TMEM8B: variants seen among roughly 807,000 people sequenced by gnomAD.
TMEM8B encodes transmembrane protein 8B.
Under a neutral mutation model 49.3 loss-of-function variants are expected in TMEM8B, and 29 were observed. The ratio of observed to expected loss-of-function variants is 0.59; its 90% CI spans 0.44 to 0.80. TMEM8B has a LOEUF of 0.80. Among genes scored for constraint, TMEM8B ranks in the 30% least tolerant of loss-of-function variants. The pLI, the probability that TMEM8B is intolerant of heterozygous loss-of-function variation, is 0.00. For missense variants in TMEM8B, 575 were observed against 658.5 expected, an observed-to-expected ratio of 0.87 and a Z score of 1.39; for synonymous variants, 264 against 272.8, an observed-to-expected ratio of 0.97 and a Z score of 0.32.
rs1832606930 is a variant in TMEM8B at position 35,859,181 on chromosome 9, A to G, written c.*5341A>G. 1 of 154,248 alleles carries G rather than the reference A, an allele frequency of 6.5e-6. No homozygotes were observed. The highest frequency in any genetic ancestry group is 2.4e-5 in the African/African-American group (1 of 41,506). 9.6% of individuals were successfully genotyped at this position (154,248 alleles called of 1,614,324 possible). On this transcript the variant is annotated 3_prime_UTR_variant, in exon 13 of 13. Coordinates refer to ENST00000643932, the MANE Select transcript of TMEM8B (RefSeq NM_001042590.4). ...CCCCGTAGAACAATGCGACAGTCTTATCCACGTTGGGATCCTTGGCCTTGG... is the reference window on the plus strand; with the variant it reads ...CCCCGTAGAACAATGCGACAGTCTTGTCCACGTTGGGATCCTTGGCCTTGG...
chr9:35,832,171 GTGT>G (rs1356329234), intron 1 of TMEM8B, among the ~76,000 whole-genome samples: 4 of 89,376 alleles, frequency 4.5e-5, no homozygotes, highest in African/African-American at 1.9e-4. Flanking sequence ...GTGTAGGGGT[GTGT>G]GTGTGTGTGT....
chr9:35,844,772 C>G (rs1831356677), intron 6 of TMEM8B, among the ~76,000 whole-genome samples: 1 of 152,228 alleles, frequency 6.6e-6, no homozygotes, highest in Non-Finnish European at 1.5e-5. Flanking sequence ...CCTGCAGCCC[C>G]TCACCCTTTC....
At chr9:35,835,974 CAG>C (rs1204207028) in intron 3 of TMEM8B, among the ~76,000 whole-genome samples, 2 of 152,164 alleles carry the variant, frequency 1.3e-5, no homozygotes, top group African/African-American at 4.8e-5. Flanking sequence ...GGAGGAGAAG[CAG>C]GGGGTGTGCT....
rs143160301 is a variant in TMEM8B, at chr9:35,846,197, G to A, written c.1730-61G>A. 608 of 1,608,684 alleles carry A rather than the reference G, an allele frequency of 3.8e-4. 1 individual carries two copies. The African/African-American group carries it at 7.1e-3, about 19-fold the overall frequency. Reference sequence around the variant, plus strand: ...GGTTCCGGGAAGTGGGAGCAGGTGGGTGAGGGTTCTTGGGTTCTGACCCCT... The same window carrying A: ...GGTTCCGGGAAGTGGGAGCAGGTGGATGAGGGTTCTTGGGTTCTGACCCCT... On this transcript the variant is annotated intron_variant, in intron 7 of 12. Transcript: ENST00000643932.
intron 3 of TMEM8B, among the ~76,000 whole-genome samples, chr9:35,836,917 G>A (rs1455053252): frequency 2.0e-5 from 3 of 152,182 alleles, no homozygotes; most frequent in Non-Finnish European, 4.4e-5. Flanking sequence ...AGGTTGATGG[G>A]GCAAGGATCT....
At chr9:35,844,423 T>C (rs1171884414) in intron 6 of TMEM8B, among the ~76,000 whole-genome samples, 1 of 152,246 alleles carries the variant, frequency 6.6e-6, no homozygotes, top group Admixed American at 6.5e-5. Flanking sequence ...TTAACTCTAC[T>C]ATCCTCCAGC....
chr9:35,839,438 T>A (rs1830750709), intron 3 of TMEM8B, among the ~76,000 whole-genome samples: 1 of 152,204 alleles, frequency 6.6e-6, no homozygotes, highest in Non-Finnish European at 1.5e-5. Flanking sequence ...GTCCCATCAC[T>A]GGGTGACGGT....
In TMEM8B at chr9:35,864,848, A is replaced by T. The variant is rs1170847955; in HGVS notation, c.*11008A>T. Reference sequence around the variant, plus strand: ...GGGAGCTGTGGTTTGGGAAGTGCCGAGTTCATTATGAGCAAGTGCACGGTG... The same window carrying T: ...GGGAGCTGTGGTTTGGGAAGTGCCGTGTTCATTATGAGCAAGTGCACGGTG... On this transcript the variant is annotated 3_prime_UTR_variant, in exon 13 of 13. Coordinates refer to ENST00000643932, the MANE Select transcript of TMEM8B (RefSeq NM_001042590.4). 6.6e-6 allele frequency: 1 copy of T among 152,282 alleles called. No individual in the cohort carries two copies. Among genetic ancestry groups the T allele is most frequent in the African/African-American group, 2.4e-5 (1 of 41,426 alleles). The allele number at this position is 152,282 out of a possible 1,614,324, so 9.4% of individuals were successfully genotyped here.
Position 35,856,034 on chromosome 9 carries a change from A to T in TMEM8B, c.*2194A>T, listed in dbSNP as rs1832531495. 6.6e-6 allele frequency: 1 copy of T among 152,232 alleles called. No homozygotes were observed. Among genetic ancestry groups the T allele is most frequent in the South Asian group, 2.1e-4 (1 of 4,830 alleles). 9.4% of individuals were successfully genotyped at this position (152,232 alleles called of 1,614,324 possible). A position where few individuals can be genotyped will look rare whatever the true frequency, so the allele number is the denominator to read the frequency against. Reference sequence around the variant, plus strand: ...CAGAAGGCTCTGAAGTGGGAGACGGAGCTGGGGTGCATCCCTCCCAGTGAG... The same window carrying T: ...CAGAAGGCTCTGAAGTGGGAGACGGTGCTGGGGTGCATCCCTCCCAGTGAG... On this transcript the variant is annotated 3_prime_UTR_variant, in exon 13 of 13. Coordinates refer to ENST00000643932, the MANE Select transcript of TMEM8B (RefSeq NM_001042590.4).
intron 3 of TMEM8B, among the ~76,000 whole-genome samples, chr9:35,840,747 G>A (rs1172653657): frequency 6.6e-6 from 1 of 152,178 alleles, no homozygotes; most frequent in African/African-American, 2.4e-5. Context: ...AAGAGCCAGT[G>A]TTCTAAGTTC....
intron 3 of TMEM8B, among the ~76,000 whole-genome samples, chr9:35,839,363 G>C (rs940062037): frequency 2.0e-5 from 3 of 152,216 alleles, no homozygotes; most frequent in Non-Finnish European, 2.9e-5. Context: ...GCTCAGCTGG[G>C]ACTCTCTCAC....
rs548363376 is a variant in TMEM8B at position 35,864,491 on chromosome 9, C to T, written c.*10651C>T. The T allele has an allele frequency of 6.6e-6, 1 of 152,268 alleles. No homozygotes were observed. Among genetic ancestry groups the T allele is most frequent in the African/African-American group, 2.4e-5 (1 of 41,544 alleles). The allele number at this position is 152,268 out of a possible 1,614,324, so 9.4% of individuals were successfully genotyped here. On this transcript the variant is annotated 3_prime_UTR_variant, in exon 13 of 13. Transcript: ENST00000643932. ...AGTCAGACGGGACTAGGGTCCAAGCCCCAGCTCTTCCACTTGTTAACAATG... is the reference window on the plus strand; with the variant it reads ...AGTCAGACGGGACTAGGGTCCAAGCTCCAGCTCTTCCACTTGTTAACAATG...
intron 10 of TMEM8B, among the ~76,000 whole-genome samples, chr9:35,849,761 TAAAAG>T (rs752151999): frequency 3.3e-5 from 5 of 152,208 alleles, no homozygotes; most frequent in Non-Finnish European, 5.9e-5. Context: ...ACCAAATTCT[TAAAAG>T]ATAAGAGCCG....
chr9:35,838,554 G>A (rs1412764247), intron 3 of TMEM8B, among the ~76,000 whole-genome samples: 1 of 151,988 alleles, frequency 6.6e-6, no homozygotes. Flanking sequence ...ATGCTTCCAC[G>A]AGTATTCAGC....
At chr9:35,832,917 G>C (rs1413483636) in intron 1 of TMEM8B, among the ~76,000 whole-genome samples, 1 of 152,126 alleles carries the variant, frequency 6.6e-6, no homozygotes, top group African/African-American at 2.4e-5. Flanking sequence ...ATCACTCTCT[G>C]AATGCTGCAC....
intron 6 of TMEM8B, chr9:35,845,360 T>A (rs1276110208): frequency 1.0e-6 from 1 of 981,062 alleles, no homozygotes; most frequent in African/African-American, 1.8e-5. Context: ...GTAAGCTGCC[T>A]CAAATCCTTC....
chr9:35,853,902 G>A lies in TMEM8B; in HGVS notation c.*62G>A, dbSNP rs901398806. 6.7e-7 allele frequency: 1 copy of A among 1,483,432 alleles called. No homozygotes were observed. The highest frequency in any genetic ancestry group is 1.4e-5 in the African/African-American group (1 of 71,324). 91.9% of individuals were successfully genotyped at this position (1,483,432 alleles called of 1,614,324 possible). ...GCTTCCTAGAGTTCTTTCTGGGGGT[G>A]TGGAGCCCTCTTAGAAGGAGACAGG... On this transcript the variant is annotated 3_prime_UTR_variant, in exon 13 of 13. Coordinates refer to ENST00000643932, the MANE Select transcript of TMEM8B (RefSeq NM_001042590.4). This position sits in a 1 kb window ranked among gnomAD's most constrained non-coding sequence, Gnocchi z 4.2.
chr9:35,837,655 T>C (rs1830569535), intron 3 of TMEM8B, among the ~76,000 whole-genome samples: 1 of 152,220 alleles, frequency 6.6e-6, no homozygotes, highest in Non-Finnish European at 1.5e-5. Flanking sequence ...TCGTGAACTC[T>C]AGTCCCACAC....
At position 35,865,171 on chromosome 9, in the gene TMEM8B, G is replaced by A. The variant is rs1310135691; in HGVS notation, c.*11331G>A. The A allele has an allele frequency of 6.6e-6, 1 of 152,210 alleles. No individual in the cohort carries two copies. Among genetic ancestry groups the A allele is most frequent in the Non-Finnish European group, 1.5e-5 (1 of 68,064 alleles). The allele number at this position is 152,210 out of a possible 1,614,324, so 9.4% of individuals were successfully genotyped here. ...GAATACTGGGTCACGTTGCAGTTCT[G>A]CGCCTTGGATGCCATAGGCTCCAGG... is the stretch of plus-strand genomic sequence containing the variant. On this transcript the variant is annotated 3_prime_UTR_variant, in exon 13 of 13. Transcript: ENST00000643932.
Sources: gnomAD v4.1 joint callset for allele counts (sites outside exome capture counted in the v4.1 genomes callset) on GRCh38, gnomAD v4.1.1 for gene constraint, Gnocchi (gnomAD v3.1) non-coding constraint, MANE v1.5 for transcripts, NCBI Gene and HGNC (gene_info 2026-07-23, HGNC 2026-07-21) for gene names.